The following ANXA8 variants were observed in gnomAD, a reference collection of about 807,000 sequenced individuals.
The protein encoded by ANXA8 is VAC-beta.
A neutral mutation model predicts 26.8 loss-of-function variants in ANXA8; 9 were observed. The observed-to-expected ratio is 0.34, with a 90% CI of 0.20 to 0.59. The LOEUF (loss-of-function observed/expected upper bound fraction) is 0.59. Ranked by LOEUF, ANXA8 falls within the 20% of genes least tolerant of loss-of-function variation. The probability of loss-of-function intolerance (pLI) is 0.84; values close to 1 mark genes in which losing one functional copy is unlikely to be tolerated. For missense variants in ANXA8, 83 were observed against 238.5 expected (o/e 0.35, Z 4.29); for synonymous variants, 39 against 94.8 (o/e 0.41, Z 3.42).
the ANXA8 span, among the ~76,000 whole-genome samples, chr10:47,526,237 TG>T: frequency 7.9e-6 from 1 of 126,888 alleles, no homozygotes; most frequent in African/African-American, 3.2e-5. Flanking sequence ...CCCAAGTAGC[TG>T]GGATTACAGG....
At chr10:47,495,900 T>A in the ANXA8 span, among the ~76,000 whole-genome samples, 1 of 150,176 alleles carries the variant, frequency 6.7e-6, no homozygotes, top group Non-Finnish European at 1.5e-5. Context: ...ACCCTCAGAG[T>A]GAGAACGCAG....
chr10:47,516,569 G>A, the ANXA8 span, among the ~76,000 whole-genome samples: 1 of 138,250 alleles, frequency 7.2e-6, no homozygotes, highest in South Asian at 2.3e-4. Flanking sequence ...GGACTCAGGA[G>A]ATCCCACACA....
chr10:47,673,433 T>G, the ANXA8 span, among the ~76,000 whole-genome samples: 3 of 150,888 alleles, frequency 2.0e-5, no homozygotes, highest in East Asian at 5.8e-4. Context: ...CACCAAGGAC[T>G]GGGGACAGGG....
the ANXA8 span, among the ~76,000 whole-genome samples, chr10:47,694,215 C>A: frequency 5.3e-5 from 8 of 151,200 alleles, no homozygotes; most frequent in African/African-American, 2.0e-4. Flanking sequence ...TTTAAAAAAT[C>A]AGATTTTTTT....
the ANXA8 span, among the ~76,000 whole-genome samples, chr10:47,954,164 G>A: frequency 6.6e-6 from 1 of 150,438 alleles, no homozygotes; most frequent in African/African-American, 2.5e-5. Context: ...TAGACAAATG[G>A]ATAAAGAAAC....
At chr10:47,603,783 G>A in the ANXA8 span, among the ~76,000 whole-genome samples, 1 of 140,634 alleles carries the variant, frequency 7.1e-6, no homozygotes, top group Non-Finnish European at 1.5e-5. Flanking sequence ...ATAGTGCTGG[G>A]ATTACAGGCG....
At chr10:47,687,938 A>T in the ANXA8 span, among the ~76,000 whole-genome samples, 3 of 151,802 alleles carry the variant, frequency 2.0e-5, no homozygotes, top group African/African-American at 7.3e-5. Context: ...CATCTCTACT[A>T]AAAAAACTAA....
chr10:47,591,544 C>T, the ANXA8 span, among the ~76,000 whole-genome samples: 177 of 138,550 alleles, frequency 1.3e-3, 10 homozygotes, highest in African/African-American at 5.0e-3. Context: ...CCCGGGTTCA[C>T]GACATTCTCC....
At chr10:47,500,733 C>T in the ANXA8 span, among the ~76,000 whole-genome samples, 1 of 116,584 alleles carries the variant, frequency 8.6e-6, no homozygotes, top group African/African-American at 3.5e-5. Flanking sequence ...TGATCTGTAA[C>T]CCTCTTTTTC....
the ANXA8 span, among the ~76,000 whole-genome samples, chr10:47,946,478 G>A: frequency 6.7e-6 from 1 of 150,260 alleles, no homozygotes; most frequent in Non-Finnish European, 1.5e-5. Flanking sequence ...GGCAGCAAAT[G>A]CTTAGTAAGC....
chr10:47,503,280 G>C, the ANXA8 span: 6 of 1,577,242 alleles, frequency 3.8e-6, 1 homozygote, highest in Non-Finnish European at 5.2e-6. Flanking sequence ...CCTGTTTAAT[G>C]GGGATGGCTC....
chr10:47,768,677 G>C, the ANXA8 span, among the ~76,000 whole-genome samples: 270 of 150,638 alleles, frequency 1.8e-3, 1 homozygote, highest in African/African-American at 6.0e-3. Context: ...AGGACAGCCT[G>C]CCCTCCAGCC....
the ANXA8 span, among the ~76,000 whole-genome samples, chr10:47,754,784 G>A: frequency 6.4e-5 from 1 of 15,508 alleles, no homozygotes; most frequent in African/African-American, 2.7e-4. Flanking sequence ...GGCAGTGTGG[G>A]AGCTGGCTGA....
the ANXA8 span, among the ~76,000 whole-genome samples, chr10:47,633,880 AGCAAG>A: frequency 6.9e-6 from 1 of 145,920 alleles, no homozygotes; most frequent in Non-Finnish European, 1.5e-5. Flanking sequence ...AATTATTTAA[AGCAAG>A]GCACTGAAAA....
At chr10:47,627,529 T>C in the ANXA8 span, among the ~76,000 whole-genome samples, 1 of 149,938 alleles carries the variant, frequency 6.7e-6, no homozygotes, top group Non-Finnish European at 1.5e-5. Flanking sequence ...TAAAATCACC[T>C]TTTTCTGTTT....
the ANXA8 span, among the ~76,000 whole-genome samples, chr10:47,944,796 C>G: frequency 6.0e-3 from 904 of 149,664 alleles, 3 homozygotes; most frequent in South Asian, 0.022. Flanking sequence ...TTTACCCAGT[C>G]TTGGATATGT....
chr10:47,632,233 AATAAT>A, the ANXA8 span, among the ~76,000 whole-genome samples: 4 of 150,520 alleles, frequency 2.7e-5, 1 homozygote, highest in African/African-American at 1.0e-4. Flanking sequence ...ACACAGGAAA[AATAAT>A]AGAATTAAAA....
chr10:47,955,399 T>C, the ANXA8 span, among the ~76,000 whole-genome samples: 1 of 150,002 alleles, frequency 6.7e-6, no homozygotes, highest in African/African-American at 2.5e-5. Flanking sequence ...TTAGGGGATT[T>C]TGTCATTGTG....
chr10:47,953,367 T>C, the ANXA8 span, among the ~76,000 whole-genome samples: 1 of 150,478 alleles, frequency 6.6e-6, no homozygotes, highest in South Asian at 2.1e-4. Context: ...ATCAGGGAAA[T>C]GTGACGACCC....
Sources: gnomAD v4.1 joint callset for allele counts (sites outside exome capture counted in the v4.1 genomes callset) on GRCh38, gnomAD v4.1.1 for gene constraint, MANE v1.5 for transcripts, NCBI Gene and HGNC (gene_info 2026-07-23, HGNC 2026-07-21) for gene names.